The following GNAQ variants were observed in gnomAD, a reference collection of about 807,000 sequenced individuals.
GNAQ encodes the protein guanine nucleotide-binding protein G(q) subunit alpha.
Under a neutral mutation model 43.9 loss-of-function variants are expected in GNAQ, and 8 were observed. The ratio of observed to expected loss-of-function variants is 0.18; its 90% CI spans 0.11 to 0.33. The LOEUF (loss-of-function observed/expected upper bound fraction) is 0.33. Ranked by LOEUF, GNAQ falls within the 10% of genes least tolerant of loss-of-function variation. The pLI is 1.00. For missense variants in GNAQ, 158 were observed against 450.8 expected, an observed-to-expected ratio of 0.35 and a Z score of 5.88; for synonymous variants, 155 against 170.7, an observed-to-expected ratio of 0.91 and a Z score of 0.71.
At chr9:77,775,889 C>T (rs1826299778) in intron 5 of GNAQ, among the ~76,000 whole-genome samples, 1 of 151,994 alleles carries the variant, frequency 6.6e-6, no homozygotes, top group Non-Finnish European at 1.5e-5. Context: ...TGTGCCACTG[C>T]ACTCCAACCT....
intron 1 of GNAQ, among the ~76,000 whole-genome samples, chr9:78,008,310 T>C (rs1399284819): frequency 6.6e-6 from 1 of 152,210 alleles, no homozygotes; most frequent in African/African-American, 2.4e-5. Context: ...ACATCTGCTG[T>C]GAAGAAGGGC....
intron 2 of GNAQ, among the ~76,000 whole-genome samples, chr9:77,906,573 A>T (rs1007955688): frequency 6.6e-6 from 1 of 152,122 alleles, no homozygotes; most frequent in Admixed American, 6.5e-5. Context: ...ATACTCGATT[A>T]AAAAAAATCA....
At chr9:77,903,210 C>T (rs1017376421) in intron 2 of GNAQ, among the ~76,000 whole-genome samples, 1 of 151,974 alleles carries the variant, frequency 6.6e-6, no homozygotes, top group Non-Finnish European at 1.5e-5. Context: ...GTTTGAGGAG[C>T]CCCAGATCCC....
chr9:77,784,837 G>A (rs2118414085), intron 5 of GNAQ, among the ~76,000 whole-genome samples: 1 of 152,246 alleles, frequency 6.6e-6, no homozygotes, highest in East Asian at 1.9e-4. Context: ...ATTTCCCATG[G>A]CAAAGTACTC....
At chr9:77,988,747 G>C (rs1207091822) in intron 1 of GNAQ, among the ~76,000 whole-genome samples, 1 of 152,158 alleles carries the variant, frequency 6.6e-6, no homozygotes, top group African/African-American at 2.4e-5. Context: ...GTTATAAAAG[G>C]TCAATGAAGA....
chr9:77,912,982 A>G (rs771051489), intron 2 of GNAQ, among the ~76,000 whole-genome samples: 13 of 152,180 alleles, frequency 8.5e-5, no homozygotes, highest in Admixed American at 2.0e-4. Context: ...AACACAAACC[A>G]AAACTAGTAA....
chr9:78,017,035 T>C (rs973776478), intron 1 of GNAQ, among the ~76,000 whole-genome samples: 1 of 152,192 alleles, frequency 6.6e-6, no homozygotes, highest in African/African-American at 2.4e-5. Context: ...AAAAGAATCA[T>C]ACAGCGTGCA....
At chr9:77,994,550 G>A (rs1216399146) in intron 1 of GNAQ, among the ~76,000 whole-genome samples, 1 of 152,088 alleles carries the variant, frequency 6.6e-6, no homozygotes, top group African/African-American at 2.4e-5. Flanking sequence ...GTTTCCGGCA[G>A]CCATATTAAT....
chr9:77,969,821 A>G (rs1294787378), intron 1 of GNAQ, among the ~76,000 whole-genome samples: 2 of 152,194 alleles, frequency 1.3e-5, no homozygotes, highest in African/African-American at 4.8e-5. Flanking sequence ...AAAAGGAGCA[A>G]AGTGTTGTCT....
intron 1 of GNAQ, among the ~76,000 whole-genome samples, chr9:78,000,707 A>T (rs2118549302): frequency 6.6e-6 from 1 of 152,346 alleles, no homozygotes; most frequent in South Asian, 2.1e-4. Context: ...AGATTATTTT[A>T]GAAAATAACT....
intron 1 of GNAQ, among the ~76,000 whole-genome samples, chr9:78,015,282 T>C (rs1823825304): frequency 7.9e-5 from 12 of 152,226 alleles, no homozygotes; most frequent in Admixed American, 7.9e-4. Context: ...TATATGTGTG[T>C]TGTAGGCTAT....
chr9:77,793,533 T>C (rs933564270), intron 5 of GNAQ, among the ~76,000 whole-genome samples: 1 of 152,150 alleles, frequency 6.6e-6, no homozygotes, highest in Non-Finnish European at 1.5e-5. Context: ...AAATGTACTG[T>C]ATTAAAAGCA....
rs377313918 is a variant in GNAQ, at chr9:77,866,825, T to C, written c.322-51055A>G. On this transcript the variant is annotated intron_variant, in intron 2 of 6. Coordinates refer to ENST00000286548, the MANE Select transcript of GNAQ (RefSeq NM_002072.5). ...TACAAACTTTTTAAATGAAGGTATA[T>C]AAAGTTATGATTTTTATTAAAACAC... Among the ~76,000 whole-genome samples the C allele has an allele frequency of 3.4e-4, 52 of 152,366 alleles. 4 individuals carry two copies. The highest frequency in any genetic ancestry group is 1.2e-3 in the African/African-American group (50 of 41,584).
chr9:77,995,917 T>C (rs555782359), intron 1 of GNAQ, among the ~76,000 whole-genome samples: 1 of 152,346 alleles, frequency 6.6e-6, no homozygotes, highest in Admixed American at 6.5e-5. Context: ...TTAAATTCTC[T>C]AGAAGTAAAA....
intron 2 of GNAQ, among the ~76,000 whole-genome samples, chr9:77,863,179 A>AAGG (rs1827883795): frequency 2.7e-4 from 35 of 130,116 alleles, no homozygotes; most frequent in African/African-American, 9.7e-4. Context: ...CGTATGAAAG[A>AAGG]AAGGAAGGAA....
At position 77,960,005 on chromosome 9, in the gene GNAQ, A is replaced by G. The variant is rs371563901; in HGVS notation, c.137-37660T>C. Reference sequence around the variant, plus strand: ...AAAGAAGGATGACAGTGGATGATAAATGGATTCCTTGCCTCTTCACTCAAC... The same window carrying G: ...AAAGAAGGATGACAGTGGATGATAAGTGGATTCCTTGCCTCTTCACTCAAC... On this transcript the variant is annotated intron_variant, in intron 1 of 6. Coordinates refer to ENST00000286548, the MANE Select transcript of GNAQ (RefSeq NM_002072.5). 3.9e-5 allele frequency among the ~76,000 whole-genome samples: 6 copies of G among 152,166 alleles called. No individual in the cohort carries two copies. The East Asian group carries it at 5.8e-4, about 15-fold the overall frequency.
rs184874046 is a variant in GNAQ, at chr9:77,943,824, G to A, written c.137-21479C>T. 3.3e-5 allele frequency among the ~76,000 whole-genome samples: 5 copies of A among 151,958 alleles called. No individual in the cohort carries two copies. In the East Asian group the frequency reaches 5.8e-4, roughly 18 times the overall value. ...GGGATTTACAGGTACACAACACCAC[G>A]CCTGGCTAATTGTTGTATTTTTAGT... is the stretch of plus-strand genomic sequence containing the variant. On this transcript the variant is annotated intron_variant, in intron 1 of 6. Transcript: ENST00000286548.
chr9:77,926,879 C>T (rs1487669820), intron 1 of GNAQ, among the ~76,000 whole-genome samples: 4 of 152,136 alleles, frequency 2.6e-5, no homozygotes, highest in Non-Finnish European at 5.9e-5. Context: ...GCCACTTCAT[C>T]CAGTGTGCGT....
intron 1 of GNAQ, among the ~76,000 whole-genome samples, chr9:77,993,955 T>G (rs1823538597): frequency 6.6e-6 from 1 of 152,144 alleles, no homozygotes; most frequent in African/African-American, 2.4e-5. Context: ...AACCATCTCA[T>G]AATTTTCCCT....
Sources: allele counts gnomAD v4.1 joint callset (sites outside exome capture counted in the v4.1 genomes callset), GRCh38; gene constraint gnomAD v4.1.1; transcripts MANE v1.5; gene names NCBI Gene and HGNC (gene_info 2026-07-23, HGNC 2026-07-21).